The following AGT variants were observed in gnomAD, a reference collection of about 807,000 sequenced individuals.
The protein encoded by AGT is angiotensinogen, also known as alpha-1 antiproteinase, antitrypsin.
AGT carries 26 observed loss-of-function variants against 28.1 expected under a neutral mutation model. The ratio of observed to expected loss-of-function variants is 0.92; its 90% CI spans 0.68 to 1.28. The LOEUF (loss-of-function observed/expected upper bound fraction) is 1.28. AGT is among the 50% of genes most tolerant of loss of function. The pLI is 0.00. For missense variants in AGT, 596 were observed against 592.3 expected (o/e 1.01, Z -0.06); for synonymous variants, 259 against 259.6 (o/e 1.00, Z 0.02).
In AGT at chr1:230,702,726, C is replaced by G; in HGVS notation, c.*415G>C. On this transcript the variant is annotated 3_prime_UTR_variant, in exon 5 of 5. Transcript: ENST00000366667. ...TACATTCAAGACACTAAATACAAAC[C>G]GAAGGCAATGCAAAAATGTATACTT... 1 of 227,336 alleles carries G rather than the reference C, an allele frequency of 4.4e-6. No homozygotes were observed. The allele number at this position is 227,336 out of a possible 1,614,324, so 14.1% of individuals were successfully genotyped here. A position where few individuals can be genotyped will look rare whatever the true frequency, so the allele number is the denominator to read the frequency against.
chr1:230,705,845 G>A (rs1663368144), intron 3 of AGT, 88 bp downstream of exon 3: 1 of 1,545,166 alleles, frequency 6.5e-7, no homozygotes, highest in Admixed American at 1.7e-5. Flanking sequence ...CCAAGGCTCA[G>A]CTCAGGTGTG....
intron 1 of AGT, among the ~76,000 whole-genome samples, chr1:230,744,638 T>A (rs573646019): frequency 1.3e-5 from 2 of 152,188 alleles, no homozygotes; most frequent in African/African-American, 2.4e-5. Flanking sequence ...ACAATGATGA[T>A]GCAATTCTCC....
At chr1:230,707,829 C>T (rs973481144) in intron 2 of AGT, among the ~76,000 whole-genome samples, 11 of 152,206 alleles carry the variant, frequency 7.2e-5, no homozygotes, top group African/African-American at 2.2e-4. Flanking sequence ...TCACCATTCT[C>T]ATCCGGAGGC....
At chr1:230,729,056 G>A (rs532925631) in intron 1 of AGT, among the ~76,000 whole-genome samples, 12 of 152,354 alleles carry the variant, frequency 7.9e-5, no homozygotes, top group Non-Finnish European at 1.8e-4. Context: ...AGTTAACTCA[G>A]TCAGGCTAAC....
At chr1:230,705,868 C>T in intron 3 of AGT, 65 bp downstream of exon 3, 2 of 1,601,092 alleles carry the variant, frequency 1.2e-6, no homozygotes, top group South Asian at 2.2e-5. Flanking sequence ...TACTCCCCAC[C>T]CCGCCCCCAG....
Position 230,703,186 on chromosome 1 carries a change from G to T in AGT, c.1386C>A (p.Ala462=). The T allele has an allele frequency of 6.2e-7, 1 of 1,614,180 alleles. No individual in the cohort carries two copies. The change falls in exon 5 of 5, where the codon GCC becomes GCA. Residue 462 remains alanine (A), a synonymous_variant. Coordinates refer to ENST00000366667, the MANE Select transcript of AGT (RefSeq NM_001384479.1). ...LFAVYDQSAT[A]LHFLGRVANP... is the part of the protein sequence containing the mutation. ...TGGCCACGCGGCCCAGGAAGTGCAGGGCAGTGGCGCTTTGATCATACACAG... is the reference window on the plus strand; with the variant it reads ...TGGCCACGCGGCCCAGGAAGTGCAGTGCAGTGGCGCTTTGATCATACACAG...
upstream of AGT, among the ~76,000 whole-genome samples, chr1:230,719,438 C>T (rs1299303003): frequency 2.2e-4 from 10 of 45,374 alleles, no homozygotes; most frequent in South Asian, 8.8e-4. Flanking sequence ...GACGGAGTCT[C>T]GCTCTGTCGC....
rs143351998 is a variant in AGT, at chr1:230,706,172, G to C, written c.858C>G (p.Ala286=). The C allele has an allele frequency of 1.9e-6, 3 of 1,613,626 alleles. No individual in the cohort carries two copies. The African/African-American group carries it at 4.0e-5, about 22-fold the overall frequency. ...QGKMKGFSLL[A]EPQEFWVDNS... ...TGTCCACCCAGAACTCCTGGGGCTCGGCCAGCAGGGAGAAGCCCTTCATCT... is the reference window on the plus strand; with the variant it reads ...TGTCCACCCAGAACTCCTGGGGCTCCGCCAGCAGGGAGAAGCCCTTCATCT... Residue 286 remains alanine, a synonymous_variant, in exon 3 of 5, where the codon GCC becomes GCG. Coordinates refer to ENST00000366667, the MANE Select transcript of AGT (RefSeq NM_001384479.1).
At chr1:230,737,349 T>C (rs1347227572) in intron 1 of AGT, among the ~76,000 whole-genome samples, 1 of 152,168 alleles carries the variant, frequency 6.6e-6, no homozygotes, top group African/African-American at 2.4e-5. Flanking sequence ...TTCACTTTTG[T>C]CACCAAGACT....
In AGT at chr1:230,702,686, C is replaced by G. The variant is rs559833254; in HGVS notation, c.*455G>C. On this transcript the variant is annotated 3_prime_UTR_variant, in exon 5 of 5. Coordinates refer to ENST00000366667, the MANE Select transcript of AGT (RefSeq NM_001384479.1). Reference sequence around the variant, plus strand: ...AAACTAAGGTATTACAGACACTACACGGAGGTCATGTTCTTACATTCAAGA... The same window carrying G: ...AAACTAAGGTATTACAGACACTACAGGGAGGTCATGTTCTTACATTCAAGA... The G allele has an allele frequency of 1.0e-5, 2 of 196,376 alleles. No homozygotes were observed. Among genetic ancestry groups the G allele is most frequent in the Non-Finnish European group, 2.1e-5 (2 of 93,368 alleles). The allele number at this position is 196,376 out of a possible 1,614,324, so 12.2% of individuals were successfully genotyped here.
At chr1:230,710,908 C>A in intron 1 of AGT, 55 bp from the exon 2 acceptor site, 1 of 1,577,242 alleles carries the variant, frequency 6.3e-7, no homozygotes, top group South Asian at 1.1e-5. Context: ...CCTTTAAGTG[C>A]CATCTAACCA....
chr1:230,735,499 T>TG (rs1558295629), intron 1 of AGT, among the ~76,000 whole-genome samples: 1 of 152,150 alleles, frequency 6.6e-6, no homozygotes, highest in African/African-American at 2.4e-5. Flanking sequence ...GTAGGTAAAG[T>TG]GGCTTTTTTG....
At chr1:230,704,365 G>C (rs1175781649) in intron 3 of AGT, 28 bp from the exon 4 acceptor site, 2 of 1,612,852 alleles carry the variant, frequency 1.2e-6, no homozygotes, top group Non-Finnish European at 8.5e-7. Context: ...AGTTAGGAAG[G>C]CTCCAGGCCA....
chr1:230,704,297 A>T lies in AGT; in HGVS notation c.1138T>A (p.Ser380Thr), dbSNP rs1663322292. The T allele has an allele frequency of 1.2e-6, 2 of 1,614,188 alleles. No homozygotes were observed. The highest frequency in any genetic ancestry group is 1.7e-6 in the Non-Finnish European group (2 of 1,180,036). The change falls in exon 4 of 5, where the codon TCT (serine) becomes ACT (threonine). Residue 380 changes from serine (S) to threonine (T), a missense_variant. Transcript: ENST00000366667. ...LTMPQLVLQG[S>T]YDLQDLLAQA... ...GCGAGCAGGTCCTGCAGGTCATAAG[A>T]TCCTTGCAGCACCAGTTGGGGCATG...
chr1:230,731,510 T>G (rs1664061396), intron 1 of AGT, among the ~76,000 whole-genome samples: 1 of 152,242 alleles, frequency 6.6e-6, no homozygotes, highest in African/African-American at 2.4e-5. Flanking sequence ...CTCTACAGCC[T>G]TGGACCATGC....
At chr1:230,711,272 G>A (rs1466459514) in intron 1 of AGT, among the ~76,000 whole-genome samples, 3 of 152,074 alleles carry the variant, frequency 2.0e-5, no homozygotes, top group African/African-American at 7.2e-5. Context: ...GGAAGACCAT[G>A]TGGGGACACA....
At chr1:230,706,327 C>A (rs144187453) in intron 2 of AGT, 127 bp from the exon 3 acceptor site, 104 of 1,046,882 alleles carry the variant, frequency 9.9e-5, no homozygotes, top group African/African-American at 2.4e-4. Context: ...TTGGCCCCCC[C>A]CAGGCCACTC....
At chr1:230,711,169 T>C (rs11568029) in intron 1 of AGT, among the ~76,000 whole-genome samples, 2 of 151,952 alleles carry the variant, frequency 1.3e-5, no homozygotes, top group African/African-American at 2.4e-5. Flanking sequence ...AAAGAGATGA[T>C]TAAGTTAAAA....
intron 1 of AGT, among the ~76,000 whole-genome samples, chr1:230,743,138 C>A (rs539633691): frequency 6.6e-6 from 1 of 152,178 alleles, no homozygotes; most frequent in Admixed American, 6.5e-5. Context: ...TTACAGGCAC[C>A]CCCACCACGC....
Sources: allele counts gnomAD v4.1 joint callset (sites outside exome capture counted in the v4.1 genomes callset), GRCh38; gene constraint gnomAD v4.1.1; transcripts MANE v1.5; gene names NCBI Gene and HGNC (gene_info 2026-07-23, HGNC 2026-07-21).